Variants in BBS7 observed in about 807,000 individuals in gnomAD.
BBS7 encodes Bardet-Biedl syndrome 7.
Under a neutral mutation model 90.3 loss-of-function variants are expected in BBS7, and 50 were observed. The observed-to-expected ratio is 0.55, with a 90% CI of 0.44 to 0.70. The LOEUF (loss-of-function observed/expected upper bound fraction) is 0.70, where lower values mean the gene tolerates loss of function less well. Ranked by LOEUF, BBS7 falls within the 30% of genes least tolerant of loss-of-function variation. The pLI, the probability that BBS7 is intolerant of heterozygous loss-of-function variation, is 0.00. For synonymous variants in BBS7, 235 were observed against 287.4 expected, an observed-to-expected ratio of 0.82 and a Z score of 1.85; for missense variants, 729 against 838.9, an observed-to-expected ratio of 0.87 and a Z score of 1.62.
intron 2 of BBS7, among the ~76,000 whole-genome samples, chr4:121,866,923 GT>G (rs1215091919): frequency 6.6e-6 from 1 of 152,016 alleles, no homozygotes; most frequent in Non-Finnish European, 1.5e-5. Context: ...GGTCTTTGTG[GT>G]TCCATACAAA....
In BBS7 at chr4:121,870,421, A is replaced by T; in HGVS notation, c.-108T>A. The T allele has an allele frequency of 7.7e-7, 1 of 1,290,922 alleles. No homozygotes were observed. The highest frequency in any genetic ancestry group is 1.2e-5 in the South Asian group (1 of 81,806). The allele number at this position is 1,290,922 out of a possible 1,614,324, so 80.0% of individuals were successfully genotyped here. On this transcript the variant is annotated 5_prime_UTR_variant, in exon 1 of 19. Coordinates refer to ENST00000264499, the MANE Select transcript of BBS7 (RefSeq NM_176824.3). ...CAGAAGGCTGCCCGCGCCCCTCAAA[A>T]GCCAGCCCCAGCTACCGCGCCTAGG...
chr4:121,839,564 G>A, intron 13 of BBS7, 67 bp downstream of exon 13: 2 of 1,244,928 alleles, frequency 1.6e-6, no homozygotes, highest in East Asian at 2.4e-5. Flanking sequence ...ATCATATGTT[G>A]TAAGACATAC....
intron 15 of BBS7, among the ~76,000 whole-genome samples, chr4:121,829,161 A>G (rs1174408053): frequency 6.6e-6 from 1 of 152,166 alleles, no homozygotes; most frequent in Non-Finnish European, 1.5e-5. Flanking sequence ...GATATCAAAT[A>G]TGAAAGAGTG....
intron 2 of BBS7, among the ~76,000 whole-genome samples, chr4:121,867,505 T>C (rs1727352852): frequency 6.6e-6 from 1 of 152,200 alleles, no homozygotes; most frequent in Non-Finnish European, 1.5e-5. Flanking sequence ...GGATAAAGTA[T>C]TTTTTTGCAG....
intron 12 of BBS7, 49 bp from the exon 13 acceptor site, chr4:121,839,745 A>T (rs747115496): frequency 1.3e-6 from 2 of 1,507,518 alleles, no homozygotes; most frequent in East Asian, 4.5e-5. Context: ...TGTTTTTAGC[A>T]ACAAAAAAAA....
At position 121,824,498 on chromosome 4, in the gene BBS7, A is replaced by C. The variant is rs1463165465; in HGVS notation, c.*1362T>G. 1 of 152,086 alleles carries C rather than the reference A, an allele frequency of 6.6e-6. No individual in the cohort carries two copies. The highest frequency in any genetic ancestry group is 6.5e-5 in the Admixed American group (1 of 15,276). The allele number at this position is 152,086 out of a possible 1,614,324, so 9.4% of individuals were successfully genotyped here. On this transcript the variant is annotated 3_prime_UTR_variant, in exon 19 of 19. Coordinates refer to ENST00000264499, the MANE Select transcript of BBS7 (RefSeq NM_176824.3). This position sits in a 1 kb window ranked among gnomAD's most constrained non-coding sequence, Gnocchi z 4.1. ...CCAGAAATTGTGTTTTATGCTTTTT[A>C]TTTTTCCTAATGAAGATGCAATTAA...
chr4:121,836,947 T>C (rs1274387246), intron 13 of BBS7, among the ~76,000 whole-genome samples: 1 of 149,770 alleles, frequency 6.7e-6, no homozygotes, highest in African/African-American at 2.4e-5. Context: ...GATTCCCTCT[T>C]CTGTGTTTTG....
chr4:121,855,129 A>G (rs1440513076), intron 6 of BBS7, among the ~76,000 whole-genome samples: 1 of 151,976 alleles, frequency 6.6e-6, no homozygotes, highest in African/African-American at 2.4e-5. Flanking sequence ...CCTGGGCAAC[A>G]TGGCGAAACC....
At chr4:121,843,618 C>T (rs1347764617) in intron 12 of BBS7, among the ~76,000 whole-genome samples, 1 of 152,080 alleles carries the variant, frequency 6.6e-6, no homozygotes, top group Non-Finnish European at 1.5e-5. Context: ...ATTTGGGGTG[C>T]TGAACCAGTA....
rs764809857 is a variant in BBS7, at chr4:121,835,164, A to G, written c.1491T>C (p.Thr497=). ...HIKPLSLHQR[T]HFIDHDRPMN... ...CCTACCTGTCATGATCAATAAAGTG[A>G]GTTCTTTGATGGAGTGAAAGAGGTT... Residue 497 remains threonine (T), a synonymous_variant, in exon 14 of 19, where the codon ACT becomes ACC. Transcript: ENST00000264499. 1 of 1,613,780 alleles carries G rather than the reference A, an allele frequency of 6.2e-7. No individual in the cohort carries two copies. Among genetic ancestry groups the G allele is most frequent in the Non-Finnish European group, 8.5e-7 (1 of 1,179,822 alleles).
intron 12 of BBS7, among the ~76,000 whole-genome samples, chr4:121,840,495 T>C (rs987254205): frequency 2.6e-5 from 4 of 152,234 alleles, no homozygotes. Context: ...GAAATATCTC[T>C]TCTCTGTATT....
In BBS7 at chr4:121,825,938, T is replaced by A. The variant is rs377643507; in HGVS notation, c.2070A>T (p.Lys690Asn). The change falls in exon 19 of 19, where the codon AAA (lysine) becomes AAT (asparagine). Residue 690 changes from lysine (K) to asparagine (N), a missense_variant. Lys to Asn is a moderately conservative substitution (Grantham distance 94). Transcript: ENST00000264499. ...TTTCCAATAGAAGGGGTACTTTAGT[T>A]TTTACATTGGTGCCTTTAAACTTAA... Reference protein sequence around the residue: ...DKFKFKGTNVKTKVPLLLEIL... With the variant: ...DKFKFKGTNVNTKVPLLLEIL... 1.2e-6 allele frequency: 2 copies of A among 1,610,676 alleles called. No individual in the cohort carries two copies. Among genetic ancestry groups the A allele is most frequent in the African/African-American group, 2.7e-5 (2 of 74,858 alleles).
intron 5 of BBS7, among the ~76,000 whole-genome samples, chr4:121,855,767 T>C (rs1726582035): frequency 6.6e-6 from 1 of 150,656 alleles, no homozygotes; most frequent in South Asian, 2.1e-4. Context: ...TACACATATA[T>C]ACGTATAAAT....
chr4:121,842,861 G>T (rs1578542164), intron 12 of BBS7, among the ~76,000 whole-genome samples: 1 of 152,128 alleles, frequency 6.6e-6, no homozygotes, highest in African/African-American at 2.4e-5. Flanking sequence ...TTATCGGCTA[G>T]TACTAAGCAG....
chr4:121,828,601 T>C lies in BBS7; in HGVS notation c.1786+18A>G. ...ACAAAATAAACATCAGAAAGAATTA[T>C]TAATTTTGTTTGTTTACCGTATGAT... On this transcript the variant is annotated intron_variant, in intron 16 of 18. Coordinates refer to ENST00000264499, the MANE Select transcript of BBS7 (RefSeq NM_176824.3). The C allele has an allele frequency of 6.4e-7, 1 of 1,563,922 alleles. No individual in the cohort carries two copies. The highest frequency in any genetic ancestry group is 8.8e-7 in the Non-Finnish European group (1 of 1,134,590).
In BBS7 at chr4:121,825,083, T is replaced by G. The variant is rs1261790510; in HGVS notation, c.*777A>C. On this transcript the variant is annotated 3_prime_UTR_variant, in exon 19 of 19. Coordinates refer to ENST00000264499, the MANE Select transcript of BBS7 (RefSeq NM_176824.3). ...CATCACTATTTCTGCACTCTTCACT[T>G]GAAGCACGCTGAATAGCTCCACTGG... is the stretch of plus-strand genomic sequence containing the variant. 1 of 152,186 alleles carries G rather than the reference T, an allele frequency of 6.6e-6. No homozygotes were observed. The highest frequency in any genetic ancestry group is 1.9e-4 in the East Asian group (1 of 5,188). The allele number at this position is 152,186 out of a possible 1,614,324, so 9.4% of individuals were successfully genotyped here.
At chr4:121,855,616 G>T in intron 5 of BBS7, 55 bp from the exon 6 acceptor site, 1 of 1,423,344 alleles carries the variant, frequency 7.0e-7, no homozygotes, top group Non-Finnish European at 9.9e-7. Context: ...AATAATAGAG[G>T]CATTCATGAA....
rs1292641968 is a variant in BBS7 at position 121,855,635 on chromosome 4, A to G, written c.529-74T>C. 8 of 1,251,314 alleles carry G rather than the reference A, an allele frequency of 6.4e-6. No individual in the cohort carries two copies. The East Asian group carries it at 1.6e-4, about 26-fold the overall frequency. 77.5% of individuals were successfully genotyped at this position (1,251,314 alleles called of 1,614,324 possible). On this transcript the variant is annotated intron_variant, in intron 5 of 18. Transcript: ENST00000264499. ...ATAGAGGCATTCATGAATAACATCA[A>G]TATTCAAATACAGTACTCTTAGTAA...
intron 15 of BBS7, among the ~76,000 whole-genome samples, chr4:121,830,056 T>C: frequency 6.6e-6 from 1 of 152,246 alleles, no homozygotes; most frequent in East Asian, 1.9e-4. Flanking sequence ...TACCTTTTCA[T>C]TTGGTTTTCA....
Sources: allele counts gnomAD v4.1 joint callset (sites outside exome capture counted in the v4.1 genomes callset), GRCh38; gene constraint gnomAD v4.1.1; non-coding constraint Gnocchi (gnomAD v3.1); transcripts MANE v1.5; gene names NCBI Gene and HGNC (gene_info 2026-07-23, HGNC 2026-07-21).